Variants in LHFPL3 observed in about 807,000 individuals in gnomAD.
LHFPL3 encodes LHFPL tetraspan subfamily member 3 protein.
In LHFPL3, 5 loss-of-function variants were observed where a neutral mutation model predicts 19.3. That is an observed-to-expected ratio of 0.26 (90% CI 0.14 to 0.54). LHFPL3 has a LOEUF of 0.54. LHFPL3 is among the 20% of genes least tolerant of loss of function. LHFPL3 has a pLI of 0.94. For synonymous variants in LHFPL3, 133 were observed against 126.2 expected (o/e 1.05, Z -0.36); for missense variants, 249 against 307.4 (o/e 0.81, Z 1.42).
intron 1 of LHFPL3, among the ~76,000 whole-genome samples, chr7:104,502,566 A>C (rs765815684): frequency 6.6e-6 from 1 of 152,178 alleles, no homozygotes; most frequent in Non-Finnish European, 1.5e-5. Flanking sequence ...AGCTACATGA[A>C]GATTACAGAA....
At chr7:104,339,479 T>TTCC (rs1201231080) in intron 1 of LHFPL3, among the ~76,000 whole-genome samples, 2 of 152,182 alleles carry the variant, frequency 1.3e-5, no homozygotes, top group Admixed American at 1.3e-4. Context: ...TACGGCATGT[T>TTCC]TCCACTAAGT....
intron 1 of LHFPL3, among the ~76,000 whole-genome samples, chr7:104,401,913 T>A (rs1283682083): frequency 5.3e-5 from 8 of 152,080 alleles, no homozygotes; most frequent in Admixed American, 5.2e-4. Context: ...AATGGAACAA[T>A]GGAAATAATT....
At chr7:104,765,840 T>C (rs542391881) in intron 2 of LHFPL3, among the ~76,000 whole-genome samples, 1 of 152,332 alleles carries the variant, frequency 6.6e-6, no homozygotes, top group East Asian at 1.9e-4. Context: ...GTCTGATTAC[T>C]GTAGCACAGT....
rs573441060 is a variant in LHFPL3, at chr7:104,432,719, C to T, written c.445+103495C>T. Among the ~76,000 whole-genome samples, 127 of 152,304 alleles carry T rather than the reference C, an allele frequency of 8.3e-4. 1 individual carries two copies. The highest frequency in any genetic ancestry group is 6.8e-3 in the Middle Eastern group (2 of 294). On this transcript the variant is annotated intron_variant, in intron 1 of 2. Coordinates refer to ENST00000424859, the MANE Select transcript of LHFPL3 (RefSeq NM_199000.3). ...CTCCTCATAGGTTGCCTCTATCTGT[C>T]AGGATGCCACTTAATTTTCAAAGCC...
chr7:104,841,483 C>T (rs931611039), intron 2 of LHFPL3, among the ~76,000 whole-genome samples: 1 of 84,400 alleles, frequency 1.2e-5, no homozygotes, highest in African/African-American at 4.3e-5. Flanking sequence ...TATTACGATG[C>T]ATTATGTGGG....
chr7:104,371,360 G>A (rs1413121276), intron 1 of LHFPL3, among the ~76,000 whole-genome samples: 3 of 152,154 alleles, frequency 2.0e-5, no homozygotes, highest in South Asian at 4.1e-4. Context: ...CATGAAAAGT[G>A]TTACTTATGT....
chr7:104,770,906 G>A (rs769840549), intron 2 of LHFPL3, among the ~76,000 whole-genome samples: 11 of 152,120 alleles, frequency 7.2e-5, no homozygotes, highest in South Asian at 2.1e-4. Context: ...CCGCATGCCC[G>A]TCATCCCCTG....
At chr7:104,897,512 A>G (rs920941775) in intron 2 of LHFPL3, among the ~76,000 whole-genome samples, 1 of 152,226 alleles carries the variant, frequency 6.6e-6, no homozygotes, top group Non-Finnish European at 1.5e-5. Flanking sequence ...TCTGCCTGCT[A>G]AAGATTCACT....
intron 1 of LHFPL3, among the ~76,000 whole-genome samples, chr7:104,442,761 C>T (rs1792251715): frequency 6.6e-6 from 1 of 152,140 alleles, no homozygotes; most frequent in Non-Finnish European, 1.5e-5. Flanking sequence ...TAAAGTGTCT[C>T]CTTGGCAAAC....
At chr7:104,681,586 C>T (rs1248110683) in intron 1 of LHFPL3, among the ~76,000 whole-genome samples, 1 of 150,996 alleles carries the variant, frequency 6.6e-6, no homozygotes, top group African/African-American at 2.4e-5. Context: ...TGTGCCACTG[C>T]AGCCCAGCCT....
In LHFPL3 at chr7:104,338,093, C is replaced by CTTT. The variant is rs71296520; in HGVS notation, c.445+8890_445+8892dup. ...TTATGATACCTTTATTTTCCTTTTT[C>CTTT]TTTTTTTTTTTTTTTTTTTTTTTGA... is the stretch of plus-strand genomic sequence containing the variant. On this transcript the variant is annotated intron_variant, in intron 1 of 2. Transcript: ENST00000424859. 6.0e-3 allele frequency among the ~76,000 whole-genome samples: 515 copies of CTTT among 85,832 alleles called. 3 individuals carry two copies. Among genetic ancestry groups the CTTT allele is most frequent in the East Asian group, 7.9e-3 (20 of 2,528 alleles). The allele number at this position is 85,832 out of a possible 152,430, so 56.3% of individuals were successfully genotyped here.
chr7:104,822,240 G>C (rs958349740), intron 2 of LHFPL3, among the ~76,000 whole-genome samples: 3 of 152,192 alleles, frequency 2.0e-5, no homozygotes, highest in Non-Finnish European at 4.4e-5. Context: ...TTGAGTTGTT[G>C]ACAACTCTAG....
chr7:104,830,078 C>G, intron 2 of LHFPL3, among the ~76,000 whole-genome samples: 1 of 151,950 alleles, frequency 6.6e-6, no homozygotes, highest in East Asian at 1.9e-4. Context: ...TCTCTGATGG[C>G]CAGTGATGAT....
At chr7:104,395,935 T>C (rs1463344351) in intron 1 of LHFPL3, among the ~76,000 whole-genome samples, 5 of 152,182 alleles carry the variant, frequency 3.3e-5, no homozygotes, top group Non-Finnish European at 7.4e-5. Context: ...ATGATAGAAA[T>C]AGGCAAGTAA....
At chr7:104,452,002 T>A (rs1030019909) in intron 1 of LHFPL3, among the ~76,000 whole-genome samples, 1 of 152,088 alleles carries the variant, frequency 6.6e-6, no homozygotes, top group African/African-American at 2.4e-5. Flanking sequence ...TGCCTTGGAC[T>A]CCCAAAGTGC....
chr7:104,391,451 C>T (rs1157322940), intron 1 of LHFPL3, among the ~76,000 whole-genome samples: 3 of 152,124 alleles, frequency 2.0e-5, no homozygotes, highest in Non-Finnish European at 2.9e-5. Flanking sequence ...AATCCTTTCC[C>T]CATTGCTTGT....
intron 1 of LHFPL3, among the ~76,000 whole-genome samples, chr7:104,601,934 T>G (rs1182672952): frequency 6.6e-6 from 1 of 152,006 alleles, no homozygotes; most frequent in Non-Finnish European, 1.5e-5. Context: ...CTGAATCACA[T>G]GACGGTTTGA....
intron 2 of LHFPL3, among the ~76,000 whole-genome samples, chr7:104,824,885 T>G (rs1257782829): frequency 7.4e-6 from 1 of 135,414 alleles, no homozygotes; most frequent in Non-Finnish European, 1.5e-5. Context: ...ATTATATATA[T>G]TATATAATAA....
intron 1 of LHFPL3, among the ~76,000 whole-genome samples, chr7:104,394,112 T>G (rs1478329067): frequency 1.3e-5 from 2 of 152,242 alleles, no homozygotes; most frequent in East Asian, 3.8e-4. Flanking sequence ...AATTATGTTT[T>G]AATACAACTG....
Sources: allele counts gnomAD v4.1 joint callset (sites outside exome capture counted in the v4.1 genomes callset), GRCh38; gene constraint gnomAD v4.1.1; transcripts MANE v1.5; gene names NCBI Gene and HGNC (gene_info 2026-07-23, HGNC 2026-07-21).